PHKB: variants seen among roughly 807,000 people sequenced by gnomAD.
The protein encoded by PHKB is phosphorylase kinase regulatory subunit beta, also known as phosphorylase b kinase regulatory subunit beta.
PHKB carries 122 observed loss-of-function variants against 152.1 expected under a neutral mutation model. That is an observed-to-expected ratio of 0.80 (90% confidence interval 0.69 to 0.93). The LOEUF (loss-of-function observed/expected upper bound fraction) is 0.93. Among genes scored for constraint, PHKB ranks in the 40% least tolerant of loss-of-function variants. The pLI is 0.00. For synonymous variants in PHKB, 436 were observed against 464.9 expected (o/e 0.94, Z 0.80); for missense variants, 1,304 against 1,328.4 (o/e 0.98, Z 0.29).
At chr16:47,535,159 G>A (rs917334952) in intron 6 of PHKB, among the ~76,000 whole-genome samples, 7 of 152,276 alleles carry the variant, frequency 4.6e-5, no homozygotes, top group South Asian at 4.1e-4. Context: ...CAGGGGAGAA[G>A]ACCTTTTAAT....
intron 7 of PHKB, among the ~76,000 whole-genome samples, chr16:47,570,370 A>G (rs557285826): frequency 6.6e-6 from 1 of 152,352 alleles, no homozygotes; most frequent in East Asian, 1.9e-4. Flanking sequence ...TCCTTGAAGT[A>G]GGTTTTCTAA....
At chr16:47,477,481 A>G (rs1424748485) in intron 1 of PHKB, among the ~76,000 whole-genome samples, 1 of 152,190 alleles carries the variant, frequency 6.6e-6, no homozygotes, top group Non-Finnish European at 1.5e-5. Context: ...CTTGGTGAAT[A>G]AAATTCAGTT....
At chr16:47,619,088 T>C (rs1972572284) in intron 14 of PHKB, 1 of 152,226 alleles carries the variant, frequency 6.6e-6, no homozygotes, top group Non-Finnish European at 1.5e-5. Flanking sequence ...ATATCTGATT[T>C]TAACATTTTT....
chr16:47,688,639 G>A lies in PHKB; in HGVS notation c.2631-402G>A, dbSNP rs1373477899. ...AACATTTACATAATAGCATATCTCA[G>A]CCTATTTCTTGAAATGCATTGTTTC... On this transcript the variant is annotated intron_variant, in intron 26 of 30. Transcript: ENST00000323584. Among the ~76,000 whole-genome samples the A allele has an allele frequency of 2.7e-5, 4 of 150,418 alleles. No homozygotes were observed. The South Asian group carries it at 8.4e-4, about 32-fold the overall frequency.
At chr16:47,650,448 A>G (rs1436880204) in intron 18 of PHKB, 96 bp from the exon 19 acceptor site, 4 of 767,356 alleles carry the variant, frequency 5.2e-6, no homozygotes, top group South Asian at 2.8e-5. Flanking sequence ...CTGTCTTGCT[A>G]CATAAGAATT....
intron 10 of PHKB, among the ~76,000 whole-genome samples, chr16:47,591,294 A>G (rs891896702): frequency 2.6e-5 from 4 of 152,092 alleles, no homozygotes; most frequent in African/African-American, 4.8e-5. Flanking sequence ...TCTGAAAAGC[A>G]TGGCCTCTAC....
chr16:47,516,300 T>C (rs1237916280), intron 6 of PHKB, among the ~76,000 whole-genome samples: 2 of 152,210 alleles, frequency 1.3e-5, no homozygotes, highest in African/African-American at 2.4e-5. Context: ...TATCCTGTTA[T>C]ATTATTTTTA....
intron 6 of PHKB, among the ~76,000 whole-genome samples, chr16:47,544,456 T>A (rs1971122328): frequency 6.6e-6 from 1 of 152,200 alleles, no homozygotes; most frequent in Non-Finnish European, 1.5e-5. Flanking sequence ...TCAGAGACAG[T>A]TTGTTGTGAT....
At chr16:47,487,531 T>C (rs1970070646) in intron 1 of PHKB, among the ~76,000 whole-genome samples, 1 of 152,134 alleles carries the variant, frequency 6.6e-6, no homozygotes, top group Non-Finnish European at 1.5e-5. Context: ...GTACAGATTA[T>C]TTCATCACTC....
chr16:47,646,907 C>T (rs1973138843), intron 16 of PHKB, among the ~76,000 whole-genome samples: 1 of 151,948 alleles, frequency 6.6e-6, no homozygotes, highest in Non-Finnish European at 1.5e-5. Flanking sequence ...CTATCTTTAT[C>T]AGGAGATAGG....
intron 7 of PHKB, among the ~76,000 whole-genome samples, chr16:47,568,751 A>T (rs1971609420): frequency 6.6e-6 from 1 of 152,154 alleles, no homozygotes; most frequent in Non-Finnish European, 1.5e-5. Context: ...AAAATTTTTT[A>T]AAATTTCATC....
chr16:47,683,208 G>A (rs1973896641), intron 26 of PHKB, among the ~76,000 whole-genome samples: 1 of 152,198 alleles, frequency 6.6e-6, no homozygotes, highest in Non-Finnish European at 1.5e-5. Flanking sequence ...CTGCTCGGGG[G>A]TCAAGGACCT....
chr16:47,629,336 A>C (rs1043179303), intron 14 of PHKB, among the ~76,000 whole-genome samples: 1 of 152,070 alleles, frequency 6.6e-6, no homozygotes, highest in Non-Finnish European at 1.5e-5. Context: ...AGAAAAAAAC[A>C]AACAACCCCA....
chr16:47,569,323 CCTG>C (rs1971619498), intron 7 of PHKB, among the ~76,000 whole-genome samples: 1 of 152,082 alleles, frequency 6.6e-6, no homozygotes, highest in Non-Finnish European at 1.5e-5. Flanking sequence ...AATAGCTACT[CCTG>C]CTCTCTTTTG....
At chr16:47,655,184 T>A (rs916140840) in intron 20 of PHKB, among the ~76,000 whole-genome samples, 1 of 152,112 alleles carries the variant, frequency 6.6e-6, no homozygotes, top group Non-Finnish European at 1.5e-5. Flanking sequence ...TAAAATAATA[T>A]GTAATCAAGG....
chr16:47,560,887 A>T (rs1210540466), intron 7 of PHKB, among the ~76,000 whole-genome samples: 1 of 152,200 alleles, frequency 6.6e-6, no homozygotes, highest in African/African-American at 2.4e-5. Flanking sequence ...AGGGATGGAA[A>T]GATAGAAGAT....
At chr16:47,485,411 G>T (rs1256173703) in intron 1 of PHKB, among the ~76,000 whole-genome samples, 1 of 152,170 alleles carries the variant, frequency 6.6e-6, no homozygotes, top group Non-Finnish European at 1.5e-5. Context: ...AAGTGAGGAA[G>T]ACAAATTTTC....
At chr16:47,502,950 T>A in intron 3 of PHKB, 41 bp from the exon 4 acceptor site, 1 of 1,277,178 alleles carries the variant, frequency 7.8e-7, no homozygotes, top group East Asian at 2.3e-5. Flanking sequence ...CCTTTTCAAA[T>A]GCATTTCCAA....
intron 13 of PHKB, among the ~76,000 whole-genome samples, chr16:47,604,655 CTCTGT>C (rs957412797): frequency 2.6e-5 from 4 of 152,036 alleles, no homozygotes; most frequent in African/African-American, 9.7e-5. Flanking sequence ...AAAATACTTG[CTCTGT>C]TAAGTTTTCT....
Sources: gnomAD v4.1 joint callset for allele counts (sites outside exome capture counted in the v4.1 genomes callset) on GRCh38, gnomAD v4.1.1 for gene constraint, MANE v1.5 for transcripts, NCBI Gene and HGNC (gene_info 2026-07-23, HGNC 2026-07-21) for gene names.